INO80: variants seen among roughly 807,000 people sequenced by gnomAD.
INO80 encodes the protein chromatin-remodeling ATPase INO80.
INO80 carries 20 observed loss-of-function variants against 203.4 expected under a neutral mutation model. The observed-to-expected ratio is 0.10, with a 90% confidence interval of 0.07 to 0.14. The LOEUF (loss-of-function observed/expected upper bound fraction) is 0.14, where lower values mean the gene tolerates loss of function less well. Ranked by LOEUF, INO80 falls within the 10% of genes least tolerant of loss-of-function variation. The probability of loss-of-function intolerance (pLI) is 1.00; values close to 1 mark genes in which losing one functional copy is unlikely to be tolerated. For synonymous variants in INO80, 726 were observed against 685.2 expected, an observed-to-expected ratio of 1.06 and a Z score of -0.93; for missense variants, 1,419 against 1,914.4, an observed-to-expected ratio of 0.74 and a Z score of 4.83.
At chr15:41,071,762 G>C (rs940661646) in intron 12 of INO80, 87 bp downstream of exon 12, 16 of 1,259,350 alleles carry the variant, frequency 1.3e-5, no homozygotes, top group Middle Eastern at 2.7e-4. Context: ...CGCTCAGCCA[G>C]ATCTTGTACT....
intron 11 of INO80, among the ~76,000 whole-genome samples, chr15:41,072,968 A>G (rs1476327309): frequency 6.6e-6 from 1 of 151,736 alleles, no homozygotes; most frequent in African/African-American, 2.4e-5. Context: ...TTTAGTAGAG[A>G]TGGGGTTTCA....
chr15:41,033,726 A>C lies in INO80; in HGVS notation c.2908-5990T>G, dbSNP rs539796923. 2.7e-3 allele frequency among the ~76,000 whole-genome samples: 409 copies of C among 152,280 alleles called. 3 individuals are homozygous for C. Among genetic ancestry groups the C allele is most frequent in the South Asian group, 0.013 (62 of 4,826 alleles). On this transcript the variant is annotated intron_variant, in intron 24 of 35. Transcript: ENST00000648947. Reference sequence around the variant, plus strand: ...ACATAAGAGAAGGAAATCTCTGAAAAGTATTCACATCAATTAAGAGATTTT... The same window carrying C: ...ACATAAGAGAAGGAAATCTCTGAAACGTATTCACATCAATTAAGAGATTTT...
intron 24 of INO80, among the ~76,000 whole-genome samples, chr15:41,032,581 T>C (rs2044506807): frequency 6.6e-6 from 1 of 152,156 alleles, no homozygotes; most frequent in Non-Finnish European, 1.5e-5. Context: ...CAATAGCCCG[T>C]CAAAAAACTC....
intron 1 of INO80, among the ~76,000 whole-genome samples, chr15:41,109,692 G>A (rs1245873675): frequency 6.6e-6 from 1 of 151,818 alleles, no homozygotes; most frequent in Admixed American, 6.6e-5. Context: ...AGCACTTTGG[G>A]AGGCCGAGGC....
At chr15:40,995,798 A>G (rs751892647) in intron 29 of INO80, among the ~76,000 whole-genome samples, 14 of 152,212 alleles carry the variant, frequency 9.2e-5, no homozygotes, top group Admixed American at 7.9e-4. Context: ...CTGATATGGT[A>G]GAAACTATGT....
Position 41,053,918 on chromosome 15 carries a change from T to C in INO80, c.2274+11A>G. ...ATTGAGGCTTAAACACATGAGGTCT[T>C]CTTTACTTACCTTGTCAGATAATTC... On this transcript the variant is annotated intron_variant, in intron 19 of 35. Transcript: ENST00000648947. 6.2e-7 allele frequency: 1 copy of C among 1,608,918 alleles called. No individual in the cohort carries two copies. The highest frequency in any genetic ancestry group is 8.5e-7 in the Non-Finnish European group (1 of 1,175,568).
chr15:41,035,969 AAAAACAAAAC>A (rs896014289), intron 24 of INO80, among the ~76,000 whole-genome samples: 2 of 150,852 alleles, frequency 1.3e-5, no homozygotes, highest in Non-Finnish European at 3.0e-5. Flanking sequence ...TCTCTGCTTT[AAAAACAAAAC>A]AAAACAAAAC....
At chr15:41,073,083 TG>T (rs1191662590) in intron 11 of INO80, among the ~76,000 whole-genome samples, 8 of 152,102 alleles carry the variant, frequency 5.3e-5, no homozygotes. Flanking sequence ...CCGGTGAGTA[TG>T]GTCTTTTTCA....
At chr15:41,093,601 C>G (rs950066284) in intron 4 of INO80, among the ~76,000 whole-genome samples, 5 of 151,948 alleles carry the variant, frequency 3.3e-5, no homozygotes, top group Non-Finnish European at 7.4e-5. Context: ...CGGTGGCTCA[C>G]ACCTGTAATC....
At position 40,980,715 on chromosome 15, in the gene INO80, T is replaced by C. The variant is rs3809490; in HGVS notation, c.4454-275A>G. 6.5e-4 allele frequency among the ~76,000 whole-genome samples: 99 copies of C among 152,352 alleles called. 1 individual carries two copies. The East Asian group carries it at 0.017, about 26-fold the overall frequency. Reference sequence around the variant, plus strand: ...TGGTAAAATGTTCATCTTGACACTCTAGATAGAGCACACATTTTACAATCT... The same window carrying C: ...TGGTAAAATGTTCATCTTGACACTCCAGATAGAGCACACATTTTACAATCT... On this transcript the variant is annotated intron_variant, in intron 35 of 35. Coordinates refer to ENST00000648947, the MANE Select transcript of INO80 (RefSeq NM_017553.3).
At chr15:41,085,962 C>T (rs749327111) in intron 6 of INO80, among the ~76,000 whole-genome samples, 10 of 152,096 alleles carry the variant, frequency 6.6e-5, no homozygotes, top group Non-Finnish European at 1.3e-4. Context: ...CAGGTTCAAG[C>T]GATTCTCCCG....
chr15:41,051,128 CAAAAA>C (rs368535813), intron 19 of INO80, among the ~76,000 whole-genome samples: 4 of 78,514 alleles, frequency 5.1e-5, no homozygotes, highest in African/African-American at 1.4e-4. Context: ...GACTCCATCT[CAAAAA>C]AAAAAAAAAA....
rs572436575 is a variant in INO80 at position 41,043,949 on chromosome 15, C to T, written c.2907+955G>A. 1.3e-4 allele frequency among the ~76,000 whole-genome samples: 20 copies of T among 152,188 alleles called. No individual in the cohort carries two copies. In the South Asian group the frequency reaches 3.7e-3, roughly 28 times the overall value. ...TTCATGGAAATATAATTCAAGATCA[C>T]GAGATGCCACTACACATTCACAAAA... is the stretch of plus-strand genomic sequence containing the variant. On this transcript the variant is annotated intron_variant, in intron 24 of 35. Transcript: ENST00000648947.
rs75263882 is a variant in INO80 at position 41,054,622 on chromosome 15, T to C, written c.2189-608A>G. Among the ~76,000 whole-genome samples, 413 of 152,288 alleles carry C rather than the reference T, an allele frequency of 2.7e-3. 1 individual carries two copies. Among genetic ancestry groups the C allele is most frequent in the African/African-American group, 9.2e-3 (383 of 41,558 alleles). On this transcript the variant is annotated intron_variant, in intron 18 of 35. Transcript: ENST00000648947. ...ATTAGACCCATAGCATTTGACCCAT[T>C]TGACCCACAAAGAATTAAATATGAA...
At position 41,044,928 on chromosome 15, in the gene INO80, G is replaced by A; in HGVS notation, c.2883C>T (p.Asn961=). The change falls in exon 24 of 36, where the codon AAC becomes AAT. Residue 961 remains asparagine (N), a synonymous_variant. Transcript: ENST00000648947. Reference sequence around the variant, plus strand: ...CCTTTAACAAAGGGCAGCTGCAAAGGTTTGGAAAGGAGAGTGGAAAATTAA... The same window carrying A: ...CCTTTAACAAAGGGCAGCTGCAAAGATTTGGAAAGGAGAGTGGAAAATTAA... ...LGVNFPLSFP[N]LCSCPLLKSL... 2 of 1,611,818 alleles carry A rather than the reference G, an allele frequency of 1.2e-6. No homozygotes were observed. The highest frequency in any genetic ancestry group is 1.7e-6 in the Non-Finnish European group (2 of 1,179,416).
At chr15:41,062,719 C>A (rs2045134390) in intron 14 of INO80, among the ~76,000 whole-genome samples, 2 of 152,094 alleles carry the variant, frequency 1.3e-5, no homozygotes, top group Admixed American at 1.3e-4. Context: ...TCACAGGAGT[C>A]CCCCTCACCC....
rs181019509 is a variant in INO80, at chr15:41,013,491, A to C, written c.3402+2597T>G. 5.4e-4 allele frequency among the ~76,000 whole-genome samples: 82 copies of C among 152,308 alleles called. 2 individuals are homozygous for C. Among genetic ancestry groups the C allele is most frequent in the African/African-American group, 1.9e-3 (79 of 41,576 alleles). ...AAAACACTCTTTCAAAGATAAAAAA[A>C]CGCAGACCTAGTGCTGCACCATCTC... is the stretch of plus-strand genomic sequence containing the variant. On this transcript the variant is annotated intron_variant, in intron 27 of 35. Transcript: ENST00000648947.
chr15:41,099,902 A>C (rs773840674), intron 1 of INO80, among the ~76,000 whole-genome samples: 147 of 152,168 alleles, frequency 9.7e-4, no homozygotes, highest in Non-Finnish European at 1.9e-3. Context: ...GAGAACAGCA[A>C]ATAATTCATC....
chr15:41,087,771 C>A, intron 5 of INO80, 89 bp from the exon 6 acceptor site: 1 of 1,314,394 alleles, frequency 7.6e-7, no homozygotes, highest in South Asian at 1.5e-5. Context: ...CAGAGGAAAT[C>A]ATAGCTCCTA....
Sources: allele counts gnomAD v4.1 joint callset (sites outside exome capture counted in the v4.1 genomes callset), GRCh38; gene constraint gnomAD v4.1.1; transcripts MANE v1.5; gene names NCBI Gene and HGNC (gene_info 2026-07-23, HGNC 2026-07-21).